SYTL1: variants seen among roughly 807,000 people sequenced by gnomAD.
SYTL1 encodes synaptotagmin-like protein 1.
A neutral mutation model predicts 74.6 loss-of-function variants in SYTL1; 53 were observed. The observed-to-expected ratio is 0.71, with a 90% CI of 0.57 to 0.89. The LOEUF (loss-of-function observed/expected upper bound fraction) is 0.89. Ranked by LOEUF, SYTL1 falls within the 40% of genes least tolerant of loss-of-function variation. The pLI is 0.00. For missense variants in SYTL1, 728 were observed against 768.7 expected (o/e 0.95, Z 0.63); for synonymous variants, 329 against 324.9 (o/e 1.01, Z -0.14).
rs928373696 is a variant in SYTL1 at position 27,345,673 on chromosome 1, C to T, written c.191+148C>T. ...CTCTGGCCTTGGCCAGCTCACAGCT[C>T]ATCACTTCTCCAGGGGTGACTGCAC... is the stretch of plus-strand genomic sequence containing the variant. On this transcript the variant is annotated intron_variant, in intron 2 of 14. Coordinates refer to ENST00000616558, the MANE Select transcript of SYTL1 (RefSeq NM_001193308.2). This position sits in a 1 kb window ranked among gnomAD's most constrained non-coding sequence, Gnocchi z 6.0. 1.4e-5 allele frequency: 8 copies of T among 554,862 alleles called. No individual in the cohort carries two copies. The highest frequency in any genetic ancestry group is 2.5e-5 in the Non-Finnish European group (8 of 323,120). The allele number at this position is 554,862 out of a possible 1,614,324, so 34.4% of individuals were successfully genotyped here. A position where few individuals can be genotyped will look rare whatever the true frequency, so the allele number is the denominator to read the frequency against.
chr1:27,349,385 T>C lies in SYTL1; in HGVS notation c.533-13T>C. ...AGGAGAGGGCTCGCTTAGCATCTCG[T>C]GCCCCACCCCAGATCCTGGCCAAGG... On this transcript the variant is annotated splice_polypyrimidine_tract_variant and intron_variant, in intron 6 of 14. Coordinates refer to ENST00000616558, the MANE Select transcript of SYTL1 (RefSeq NM_001193308.2). 1 of 1,445,476 alleles carries C rather than the reference T, an allele frequency of 6.9e-7. No homozygotes were observed. The highest frequency in any genetic ancestry group is 2.9e-5 in the Admixed American group (1 of 34,540). 89.5% of individuals were successfully genotyped at this position (1,445,476 alleles called of 1,614,324 possible). A position where few individuals can be genotyped will look rare whatever the true frequency, so the allele number is the denominator to read the frequency against.
intron 13 of SYTL1, chr1:27,352,231 C>T (rs1054233557): frequency 2.0e-5 from 3 of 151,858 alleles, no homozygotes; most frequent in African/African-American, 4.8e-5. Flanking sequence ...ATCCCAGCTA[C>T]TTGAGAGACT....
chr1:27,353,186 A>C, intron 13 of SYTL1, 97 bp from the exon 14 acceptor site: 1 of 1,253,366 alleles, frequency 8.0e-7, no homozygotes, highest in Non-Finnish European at 1.1e-6. Context: ...GCCAGGGGAC[A>C]TGGACATATG....
chr1:27,350,098 G>A lies in SYTL1; in HGVS notation c.874G>A (p.Gly292Ser). Residue 292 changes from glycine (G) to serine (S), a missense_variant, in exon 9 of 15, where the codon GGC (glycine) becomes AGC (serine). Coordinates refer to ENST00000616558, the MANE Select transcript of SYTL1 (RefSeq NM_001193308.2). This position sits in a 1 kb window ranked among gnomAD's most constrained non-coding sequence, Gnocchi z 6.3. The part of the protein sequence containing the change: ...ELRVHVIQCQ[G>S]LAAARRRRSD... ...GCGCGTGCACGTGATCCAGTGCCAG[G>A]GCCTGGCCGCCGCCCGGCGCCGCCG... 2.1e-6 allele frequency: 3 copies of A among 1,414,708 alleles called. No individual in the cohort carries two copies. The highest frequency in any genetic ancestry group is 2.7e-6 in the Non-Finnish European group (3 of 1,091,226). The allele number at this position is 1,414,708 out of a possible 1,614,324, so 87.6% of individuals were successfully genotyped here.
Position 27,350,031 on chromosome 1 carries a change from C to G in SYTL1, c.807C>G (p.Ser269=), listed in dbSNP as rs1323492394. Residue 269 remains serine (S), a synonymous_variant, in exon 9 of 15, where the codon TCC becomes TCG. Transcript: ENST00000616558. This position sits in a 1 kb window ranked among gnomAD's most constrained non-coding sequence, Gnocchi z 6.3. ...GDAEAVQVRG[S]VHFALHYEPG... ...CGGAGGCGGTGCAGGTCCGCGGCTC[C>G]GTGCACTTCGCGCTGCACTACGAGC... 6.5e-7 allele frequency: 1 copy of G among 1,545,644 alleles called. No individual in the cohort carries two copies.
At position 27,351,687 on chromosome 1, in the gene SYTL1, C is replaced by G. The variant is rs568454709; in HGVS notation, c.1343+132C>G. 7 of 610,446 alleles carry G rather than the reference C, an allele frequency of 1.1e-5. No individual in the cohort carries two copies. Among genetic ancestry groups the G allele is most frequent in the Admixed American group, 3.5e-5 (1 of 28,984 alleles). 37.8% of individuals were successfully genotyped at this position (610,446 alleles called of 1,614,324 possible). Reference sequence around the variant, plus strand: ...CACCACTGAGCAGGGGTGAAGGGGACGGTTTGAGCAAAGGCCTGGAGTCAG... The same window carrying G: ...CACCACTGAGCAGGGGTGAAGGGGAGGGTTTGAGCAAAGGCCTGGAGTCAG... On this transcript the variant is annotated intron_variant, in intron 13 of 14. Coordinates refer to ENST00000616558, the MANE Select transcript of SYTL1 (RefSeq NM_001193308.2). This position sits in a 1 kb window ranked among gnomAD's most constrained non-coding sequence, Gnocchi z 5.0.
rs374034129 is a variant in SYTL1, at chr1:27,353,452, C to T, written c.1513C>T (p.Arg505Cys). 3.1e-5 allele frequency: 50 copies of T among 1,608,470 alleles called. No individual in the cohort carries two copies. The Admixed American group carries it at 3.9e-4, about 12-fold the overall frequency. ...SLWDHGALAN[R>C]QLGGTRLSLG... ...CTGGGACCATGGGGCCCTGGCCAACCGCCAGCTGGGGGGCACACGCCTCAG... is the reference window on the plus strand; with the variant it reads ...CTGGGACCATGGGGCCCTGGCCAACTGCCAGCTGGGGGGCACACGCCTCAG... The change falls in exon 14 of 15, where the codon CGC (arginine) becomes TGC (cysteine). Residue 505 changes from arginine (R) to cysteine (C), a missense_variant. By Grantham distance (180) the Arg-to-Cys change is radical. Coordinates refer to ENST00000616558, the MANE Select transcript of SYTL1 (RefSeq NM_001193308.2).
chr1:27,347,999 T>G lies in SYTL1; in HGVS notation c.446T>G (p.Leu149Arg), dbSNP rs772762976. ...ATTGATGAGGCCCCTCAGGAGAGGC[T>G]CAGGGAGACTGAGGTAAGTGAATGA... ...LTIDEAPQER[L>R]RETEGPDFPS... Residue 149 changes from leucine (L) to arginine (R), a missense_variant, in exon 5 of 15, where the codon CTC becomes CGC. By Grantham distance (102) the Leu-to-Arg change is moderately radical. Coordinates refer to ENST00000616558, the MANE Select transcript of SYTL1 (RefSeq NM_001193308.2). The surrounding 1 kb of genome is among the most constrained non-coding windows in gnomAD (Gnocchi z 4.9). The G allele has an allele frequency of 2.8e-5, 45 of 1,613,922 alleles. No homozygotes were observed. In the Admixed American group the frequency reaches 7.5e-4, roughly 27 times the overall value.
Position 27,347,333 on chromosome 1 carries a change from G to A in SYTL1, c.192-88G>A, listed in dbSNP as rs114540137. On this transcript the variant is annotated intron_variant, in intron 2 of 14. Coordinates refer to ENST00000616558, the MANE Select transcript of SYTL1 (RefSeq NM_001193308.2). The surrounding 1 kb of genome is among the most constrained non-coding windows in gnomAD (Gnocchi z 4.9). ...AGTCTGATTTGCTGTTGGGTCCCTG[G>A]CCCCTGGTCCCAAGCCTGTTAACAA... 2.7e-3 allele frequency: 4,295 copies of A among 1,574,422 alleles called. 102 individuals are homozygous for A. In the African/African-American group the frequency reaches 0.05, roughly 18 times the overall value.
rs1181131914 is a variant in SYTL1 at position 27,350,801 on chromosome 1, T to C, written c.1013T>C (p.Val338Ala). ...CTCACCTCCTGTCCTCAGTACTCCGTCCCGCAGGCCGAGCTTCAGGGCCGC... is the reference window on the plus strand; with the variant it reads ...CTCACCTCCTGTCCTCAGTACTCCGCCCCGCAGGCCGAGCTTCAGGGCCGC... ...PVFNETLRYS[V>A]PQAELQGRVL... Residue 338 changes from valine to alanine, a missense_variant, in exon 11 of 15, where the codon GTC (valine) becomes GCC (alanine). Coordinates refer to ENST00000616558, the MANE Select transcript of SYTL1 (RefSeq NM_001193308.2). This position sits in a 1 kb window ranked among gnomAD's most constrained non-coding sequence, Gnocchi z 6.3. The C allele has an allele frequency of 1.9e-6, 3 of 1,613,698 alleles. No individual in the cohort carries two copies. The highest frequency in any genetic ancestry group is 2.5e-6 in the Non-Finnish European group (3 of 1,180,012).
At position 27,350,550 on chromosome 1, in the gene SYTL1, G is replaced by T; in HGVS notation, c.1005+65G>T. 7.3e-7 allele frequency: 1 copy of T among 1,378,704 alleles called. No individual in the cohort carries two copies. The highest frequency in any genetic ancestry group is 1.0e-6 in the Non-Finnish European group (1 of 985,774). The allele number at this position is 1,378,704 out of a possible 1,614,324, so 85.4% of individuals were successfully genotyped here. On this transcript the variant is annotated intron_variant, in intron 10 of 14. Coordinates refer to ENST00000616558, the MANE Select transcript of SYTL1 (RefSeq NM_001193308.2). This position sits in a 1 kb window ranked among gnomAD's most constrained non-coding sequence, Gnocchi z 6.3. ...TGGACGCCCCCTTCCTGCGGGGCTA[G>T]GTGGCAAGGGCAGCCAGTAACGTCA...
Position 27,347,472 on chromosome 1 carries a change from G to T in SYTL1, c.243G>T (p.Gly81=), listed in dbSNP as rs112073592. The T allele has an allele frequency of 3.7e-6, 6 of 1,614,022 alleles. No homozygotes were observed. The highest frequency in any genetic ancestry group is 5.1e-6 in the Non-Finnish European group (6 of 1,180,046). Residue 81 remains glycine, a synonymous_variant, in exon 3 of 15, where the codon GGG becomes GGT. Transcript: ENST00000616558. The surrounding 1 kb of genome is among the most constrained non-coding windows in gnomAD (Gnocchi z 4.9). ...ADPGQLKILT[G]DWFQEARSQR... ...CTGGGCAGCTGAAGATCCTGACAGG[G>T]GACTGGTTCCAGGAAGCACGCTCCC...
At chr1:27,349,175 G>A (rs1206394446) in intron 6 of SYTL1, 23 bp downstream of exon 6, 1 of 1,609,498 alleles carries the variant, frequency 6.2e-7, no homozygotes, top group Non-Finnish European at 8.5e-7. Context: ...GCCTGTTGGG[G>A]AGCACGGAGA....
At position 27,349,925 on chromosome 1, in the gene SYTL1, C is replaced by A. The variant is rs755788640; in HGVS notation, c.748-47C>A. 24 of 1,557,748 alleles carry A rather than the reference C, an allele frequency of 1.5e-5. No individual in the cohort carries two copies. In the Admixed American group the frequency reaches 2.9e-4, roughly 19 times the overall value. ...GCCTCCGCGCTGCCCGCGGCCCCGA[C>A]GTGAGCCCTGCGAGCGGCCCTGACT... On this transcript the variant is annotated intron_variant, in intron 8 of 14. Coordinates refer to ENST00000616558, the MANE Select transcript of SYTL1 (RefSeq NM_001193308.2).
rs752459695 is a variant in SYTL1 at position 27,343,030 on chromosome 1, G to T, written c.-39+880G>T. Among the ~76,000 whole-genome samples the T allele has an allele frequency of 6.6e-6, 1 of 152,244 alleles. No individual in the cohort carries two copies. The highest frequency in any genetic ancestry group is 2.4e-5 in the African/African-American group (1 of 41,470). The stretch of plus-strand genomic sequence containing the variant: ...GTGTCAAGAGGGATCGCTGGGGCTC[G>T]GCCACTGACTCAGCTGGGAGGGGAC... On this transcript the variant is annotated intron_variant, in intron 1 of 14. Transcript: ENST00000616558. This position sits in a 1 kb window ranked among gnomAD's most constrained non-coding sequence, Gnocchi z 5.2.
At position 27,350,886 on chromosome 1, in the gene SYTL1, A is replaced by T. The variant is rs751647804; in HGVS notation, c.1098A>T (p.Glu366Asp). The T allele has an allele frequency of 6.2e-7, 1 of 1,613,712 alleles. No homozygotes were observed. The highest frequency in any genetic ancestry group is 1.1e-5 in the South Asian group (1 of 91,084). Residue 366 changes from glutamate to aspartate, a missense_variant, in exon 11 of 15, where the codon GAA becomes GAT. Glu to Asp is a conservative substitution (Grantham distance 45). Transcript: ENST00000616558. The surrounding 1 kb of genome is among the most constrained non-coding windows in gnomAD (Gnocchi z 6.3). ...TGGGTCGCAACATCTTTCTGGGCGA[A>T]GTTGAAGTGCCCCTGGACACGTGGG... is the stretch of plus-strand genomic sequence containing the variant. The part of the protein sequence containing the change: ...ESLGRNIFLG[E>D]VEVPLDTWDW...
chr1:27,351,785 G>T lies in SYTL1; in HGVS notation c.1343+230G>T. ...CCTATAGGACTTGTTGAAAAGCTGAGGCTGAGGGCTGCAAGGGTCCTTCCA... is the reference window on the plus strand; with the variant it reads ...CCTATAGGACTTGTTGAAAAGCTGATGCTGAGGGCTGCAAGGGTCCTTCCA... On this transcript the variant is annotated intron_variant, in intron 13 of 14. Coordinates refer to ENST00000616558, the MANE Select transcript of SYTL1 (RefSeq NM_001193308.2). This position sits in a 1 kb window ranked among gnomAD's most constrained non-coding sequence, Gnocchi z 5.0. The T allele has an allele frequency of 2.2e-6, 1 of 456,890 alleles. No individual in the cohort carries two copies. 28.3% of individuals were successfully genotyped at this position (456,890 alleles called of 1,614,324 possible). A position where few individuals can be genotyped will look rare whatever the true frequency, so the allele number is the denominator to read the frequency against.
Position 27,343,823 on chromosome 1 carries a change from T to C in SYTL1, c.-38-1474T>C, listed in dbSNP as rs1197312645. On this transcript the variant is annotated intron_variant, in intron 1 of 14. Transcript: ENST00000616558. The surrounding 1 kb of genome is among the most constrained non-coding windows in gnomAD (Gnocchi z 5.2). ...TGTGTGCCAAAGTCTGTATGATTTT[T>C]ATGTACATCTTTATCGAGGGACATA... 6.6e-6 allele frequency among the ~76,000 whole-genome samples: 1 copy of C among 152,262 alleles called. No homozygotes were observed. Among genetic ancestry groups the C allele is most frequent in the Non-Finnish European group, 1.5e-5 (1 of 68,044 alleles).
rs1557546428 is a variant in SYTL1, at chr1:27,351,466, G to GC, written c.1259dup (p.Ser421GlufsTer33). ...CGAGCCTCTCCGCAGGCGCAGGACT[G>GC]CCCCCGAGCGGGGAGCTGCACTTCT... On this transcript the variant is annotated frameshift_variant, in exon 13 of 15. Coordinates refer to ENST00000616558, the MANE Select transcript of SYTL1 (RefSeq NM_001193308.2). LOFTEE classifies it high-confidence loss of function. This position sits in a 1 kb window ranked among gnomAD's most constrained non-coding sequence, Gnocchi z 5.0. 1 of 1,541,178 alleles carries GC rather than the reference G, an allele frequency of 6.5e-7. No individual in the cohort carries two copies. Among genetic ancestry groups the GC allele is most frequent in the East Asian group, 2.4e-5 (1 of 40,840 alleles).
Sources: allele counts gnomAD v4.1 joint callset (sites outside exome capture counted in the v4.1 genomes callset), GRCh38; gene constraint gnomAD v4.1.1; non-coding constraint Gnocchi (gnomAD v3.1); transcripts MANE v1.5; gene names NCBI Gene and HGNC (gene_info 2026-07-23, HGNC 2026-07-21).